The following LSAMP variants were observed in gnomAD, a reference collection of about 807,000 sequenced individuals.
LSAMP encodes limbic system associated membrane protein.
Under a neutral mutation model 38.6 loss-of-function variants are expected in LSAMP, and 7 were observed. The observed-to-expected ratio is 0.18, with a 90% CI of 0.10 to 0.34. The LOEUF (loss-of-function observed/expected upper bound fraction) is 0.34, where lower values mean the gene tolerates loss of function less well. Ranked by LOEUF, LSAMP falls within the 10% of genes least tolerant of loss-of-function variation. LSAMP has a pLI of 1.00. For missense variants in LSAMP, 313 were observed against 420.0 expected, an observed-to-expected ratio of 0.75 and a Z score of 2.23; for synonymous variants, 154 against 166.8, an observed-to-expected ratio of 0.92 and a Z score of 0.59.
At chr3:116,168,400 A>G (rs1423994431) in intron 1 of LSAMP, among the ~76,000 whole-genome samples, 3 of 152,182 alleles carry the variant, frequency 2.0e-5, no homozygotes, top group African/African-American at 7.2e-5. Flanking sequence ...TTTTATTGTC[A>G]GTTTTGTTCC....
chr3:116,001,145 G>C (rs974349360), intron 3 of LSAMP, among the ~76,000 whole-genome samples: 2 of 151,956 alleles, frequency 1.3e-5, no homozygotes, highest in African/African-American at 4.8e-5. Flanking sequence ...CCCCGAGGCA[G>C]TGCAAGTTCC....
intron 1 of LSAMP, among the ~76,000 whole-genome samples, chr3:116,306,561 G>T (rs80243068): frequency 0.052 from 7,940 of 151,926 alleles, 282 homozygotes; most frequent in Non-Finnish European, 0.079. Flanking sequence ...GTTAATGAAG[G>T]GTTCAGAAAA....
intron 2 of LSAMP, among the ~76,000 whole-genome samples, chr3:116,060,064 T>G (rs1200496171): frequency 1.3e-5 from 2 of 152,216 alleles, no homozygotes; most frequent in Admixed American, 1.3e-4. Context: ...GCAAAGGCTT[T>G]CTTTGGGATT....
intron 1 of LSAMP, among the ~76,000 whole-genome samples, chr3:116,249,425 A>T (rs1473679807): frequency 6.6e-6 from 1 of 151,116 alleles, no homozygotes; most frequent in Admixed American, 6.6e-5. Flanking sequence ...TCACTCTGTC[A>T]TCCAGACTGG....
At chr3:116,437,007 G>A (rs550417409) in intron 1 of LSAMP, among the ~76,000 whole-genome samples, 113 of 147,544 alleles carry the variant, frequency 7.7e-4, no homozygotes, top group South Asian at 1.5e-3. Context: ...ATATATATAT[G>A]TGTATATATA....
chr3:116,028,300 G>C (rs1019288925), intron 2 of LSAMP, among the ~76,000 whole-genome samples: 3 of 152,112 alleles, frequency 2.0e-5, no homozygotes, highest in African/African-American at 7.2e-5. Flanking sequence ...ATGTTTTGCT[G>C]CATGGTGTGG....
intron 1 of LSAMP, among the ~76,000 whole-genome samples, chr3:116,198,286 T>C (rs1018984322): frequency 6.6e-6 from 1 of 152,190 alleles, no homozygotes; most frequent in Non-Finnish European, 1.5e-5. Flanking sequence ...GAATCTCCAG[T>C]GGTCGGTGAC....
In LSAMP at chr3:115,803,179, T is replaced by A. The variant is rs373438670; in HGVS notation, c.*7138A>T. ...AGGAGCACTGCCCAAAAAGAGGTAC[T>A]TCTGAAATGACCATGAAAACGGGGA... is the stretch of plus-strand genomic sequence containing the variant. On this transcript the variant is annotated 3_prime_UTR_variant, in exon 7 of 7. Transcript: ENST00000490035. 9.2e-5 allele frequency: 14 copies of A among 152,376 alleles called. 1 individual carries two copies. The East Asian group carries it at 2.3e-3, about 25-fold the overall frequency. The allele number at this position is 152,376 out of a possible 1,614,324, so 9.4% of individuals were successfully genotyped here.
rs550335647 is a variant in LSAMP at position 116,173,920 on chromosome 3, T to C, written c.156-87364A>G. Among the ~76,000 whole-genome samples the C allele has an allele frequency of 3.3e-5, 5 of 151,960 alleles. No individual in the cohort carries two copies. In the South Asian group the frequency reaches 1.0e-3, roughly 32 times the overall value. On this transcript the variant is annotated intron_variant, in intron 1 of 6. Transcript: ENST00000490035. ...TTGGACAATCTATTTCCTATCCCTT[T>C]TGAAAAAGTATCCAGCACTTTGATT...
intron 1 of LSAMP, among the ~76,000 whole-genome samples, chr3:116,124,415 T>G (rs568870867): frequency 2.6e-4 from 40 of 152,290 alleles, no homozygotes; most frequent in African/African-American, 9.6e-4. Flanking sequence ...CTTTGAAAAA[T>G]TATTCAGTGT....
intron 1 of LSAMP, among the ~76,000 whole-genome samples, chr3:116,144,617 T>C (rs541757885): frequency 6.7e-6 from 1 of 150,204 alleles, no homozygotes; most frequent in South Asian, 2.1e-4. Context: ...GTACATTAAA[T>C]TTTCCACTAT....
chr3:115,831,405 C>T (rs1044636065), intron 6 of LSAMP, among the ~76,000 whole-genome samples: 9 of 152,146 alleles, frequency 5.9e-5, no homozygotes, highest in Non-Finnish European at 1.0e-4. Context: ...ATAAACAAAA[C>T]GGTTGTTTGC....
chr3:116,423,697 T>C (rs1156520481), intron 1 of LSAMP, among the ~76,000 whole-genome samples: 1 of 151,948 alleles, frequency 6.6e-6, no homozygotes, highest in Non-Finnish European at 1.5e-5. Context: ...GCAACCTCAA[T>C]GGGAACAGAG....
Position 116,115,183 on chromosome 3 carries a change from T to C in LSAMP, c.156-28627A>G, listed in dbSNP as rs149078646. Among the ~76,000 whole-genome samples, 76 of 152,368 alleles carry C rather than the reference T, an allele frequency of 5.0e-4. 3 individuals carry two copies. In the East Asian group the frequency reaches 0.013, roughly 25 times the overall value. ...ATAAGCCAATACATTTGCATTACTT[T>C]CAATGCAGAATGAAGACAGCAAAGC... On this transcript the variant is annotated intron_variant, in intron 1 of 6. Coordinates refer to ENST00000490035, the MANE Select transcript of LSAMP (RefSeq NM_002338.5).
At chr3:116,044,395 A>G (rs531220300) in intron 2 of LSAMP, among the ~76,000 whole-genome samples, 9 of 151,906 alleles carry the variant, frequency 5.9e-5, no homozygotes, top group African/African-American at 1.9e-4. Context: ...CATTAGTAAC[A>G]CTCCTGGTTT....
At chr3:116,038,425 C>T (rs1323406189) in intron 2 of LSAMP, among the ~76,000 whole-genome samples, 1 of 152,100 alleles carries the variant, frequency 6.6e-6, no homozygotes, top group Admixed American at 6.5e-5. Flanking sequence ...AGGCCAGAGA[C>T]CTCTCTCTGG....
chr3:116,251,219 C>T (rs192914552), intron 1 of LSAMP, among the ~76,000 whole-genome samples: 2 of 152,308 alleles, frequency 1.3e-5, no homozygotes, highest in East Asian at 1.9e-4. Flanking sequence ...AAGGTCGAAA[C>T]ATCTGATTAA....
rs148902233 is a variant in LSAMP at position 116,100,530 on chromosome 3, G to A, written c.156-13974C>T. Among the ~76,000 whole-genome samples, 130 of 151,804 alleles carry A rather than the reference G, an allele frequency of 8.6e-4. 1 individual carries two copies. Among genetic ancestry groups the A allele is most frequent in the South Asian group, 4.6e-3 (22 of 4,792 alleles). On this transcript the variant is annotated intron_variant, in intron 1 of 6. Coordinates refer to ENST00000490035, the MANE Select transcript of LSAMP (RefSeq NM_002338.5). ...CATAAATTGACCTCTACTCTCCATC[G>A]TCACTTCCACTGCCTTTGTTCAGTG... is the stretch of plus-strand genomic sequence containing the variant.
chr3:115,892,106 G>T (rs1161510806), intron 3 of LSAMP, among the ~76,000 whole-genome samples: 1 of 151,918 alleles, frequency 6.6e-6, no homozygotes, highest in Admixed American at 6.6e-5. Context: ...AAAGTCAGAA[G>T]CTGGTCAATG....
Sources: gnomAD v4.1 joint callset for allele counts (sites outside exome capture counted in the v4.1 genomes callset) on GRCh38, gnomAD v4.1.1 for gene constraint, MANE v1.5 for transcripts, NCBI Gene and HGNC (gene_info 2026-07-23, HGNC 2026-07-21) for gene names.